TBL1XR1: variants seen among roughly 807,000 people sequenced by gnomAD.
TBL1XR1 encodes the protein F-box-like/WD repeat-containing protein TBL1XR1.
TBL1XR1 carries 5 observed loss-of-function variants against 66.9 expected under a neutral mutation model. That is an observed-to-expected ratio of 0.07 (90% CI 0.04 to 0.16). TBL1XR1 has a LOEUF of 0.16. TBL1XR1 is among the 10% of genes least tolerant of loss of function. The probability of loss-of-function intolerance (pLI) is 1.00; values close to 1 mark genes in which losing one functional copy is unlikely to be tolerated. For synonymous variants in TBL1XR1, 210 were observed against 206.0 expected, an observed-to-expected ratio of 1.02 and a Z score of -0.17; for missense variants, 238 against 623.2, an observed-to-expected ratio of 0.38 and a Z score of 6.58.
intron 1 of TBL1XR1, among the ~76,000 whole-genome samples, chr3:177,162,762 C>G (rs913731739): frequency 1.3e-5 from 2 of 151,978 alleles, no homozygotes; most frequent in African/African-American, 4.8e-5. Context: ...AATGGAAGTG[C>G]CCAAAATAAA....
At chr3:177,101,163 A>G (rs1007654055) in intron 1 of TBL1XR1, among the ~76,000 whole-genome samples, 5 of 103,154 alleles carry the variant, frequency 4.8e-5, no homozygotes, top group African/African-American at 1.8e-4. Flanking sequence ...AGCCATGACA[A>G]TCGCTATTTT....
chr3:177,090,517 TAAA>T (rs768136243), intron 2 of TBL1XR1, among the ~76,000 whole-genome samples: 3 of 102,458 alleles, frequency 2.9e-5, no homozygotes, highest in African/African-American at 7.6e-5. Flanking sequence ...CTGTCTCTAC[TAAA>T]AAAAAAAAAA....
chr3:177,091,594 C>CA (rs1216125141), intron 2 of TBL1XR1, among the ~76,000 whole-genome samples: 2 of 152,052 alleles, frequency 1.3e-5, no homozygotes, highest in African/African-American at 4.8e-5. Flanking sequence ...ACTCAGAAGT[C>CA]AACTTGAAAA....
At chr3:177,054,120 T>C (rs1034802665) in intron 3 of TBL1XR1, among the ~76,000 whole-genome samples, 1 of 152,114 alleles carries the variant, frequency 6.6e-6, no homozygotes, top group Non-Finnish European at 1.5e-5. Context: ...TTACATACTT[T>C]CTTTTTCTCT....
intron 2 of TBL1XR1, among the ~76,000 whole-genome samples, chr3:177,080,781 A>G (rs1262918868): frequency 6.6e-6 from 1 of 152,174 alleles, no homozygotes; most frequent in African/African-American, 2.4e-5. Flanking sequence ...CCTAAATACA[A>G]TTAACTGCCT....
At chr3:177,050,311 G>C (rs1384020562) in intron 6 of TBL1XR1, among the ~76,000 whole-genome samples, 167 bp downstream of exon 6, 1 of 152,098 alleles carries the variant, frequency 6.6e-6, no homozygotes, top group Non-Finnish European at 1.5e-5. Context: ...TCTCGAAATA[G>C]TAAGTTTAAT....
intron 1 of TBL1XR1, among the ~76,000 whole-genome samples, chr3:177,194,406 G>T (rs1266061513): frequency 6.6e-6 from 1 of 152,130 alleles, no homozygotes; most frequent in Non-Finnish European, 1.5e-5. Flanking sequence ...TTTCTGCCAT[G>T]CCTCTCCCCT....
intron 1 of TBL1XR1, among the ~76,000 whole-genome samples, chr3:177,152,233 A>C (rs1730977400): frequency 6.6e-6 from 1 of 152,114 alleles, no homozygotes; most frequent in African/African-American, 2.4e-5. Context: ...AAGTTGCTAC[A>C]TTCACTTTAG....
intron 1 of TBL1XR1, among the ~76,000 whole-genome samples, chr3:177,184,628 C>G (rs1735196618): frequency 6.6e-6 from 1 of 152,074 alleles, no homozygotes; most frequent in Non-Finnish European, 1.5e-5. Flanking sequence ...ATGGTGAAAT[C>G]CCGTCTCTAC....
At chr3:177,145,194 T>C (rs1361784580) in intron 1 of TBL1XR1, among the ~76,000 whole-genome samples, 3 of 85,258 alleles carry the variant, frequency 3.5e-5, no homozygotes, top group Non-Finnish European at 8.3e-5. Flanking sequence ...TAATCCTATG[T>C]GATCTACACC....
intron 1 of TBL1XR1, among the ~76,000 whole-genome samples, chr3:177,124,858 G>A (rs1043012315): frequency 1.8e-4 from 27 of 151,842 alleles, no homozygotes; most frequent in African/African-American, 6.0e-4. Context: ...ATGGTGTTAC[G>A]ACAACTGAAC....
chr3:177,087,764 G>A (rs1722332039), intron 2 of TBL1XR1, among the ~76,000 whole-genome samples: 1 of 151,996 alleles, frequency 6.6e-6, no homozygotes, highest in Admixed American at 6.5e-5. Context: ...AAGAATGGGG[G>A]GCGGGGAGTC....
chr3:177,131,941 C>G (rs568485000), intron 1 of TBL1XR1, among the ~76,000 whole-genome samples: 20 of 149,962 alleles, frequency 1.3e-4, no homozygotes, highest in African/African-American at 4.7e-4. Flanking sequence ...ACAAAGCACT[C>G]TGATTGTTAA....
At chr3:177,137,778 T>C (rs1254049429) in intron 1 of TBL1XR1, among the ~76,000 whole-genome samples, 3 of 152,166 alleles carry the variant, frequency 2.0e-5, no homozygotes, top group Admixed American at 6.5e-5. Flanking sequence ...GAGAACAGCC[T>C]GGGCAACATG....
intron 10 of TBL1XR1, among the ~76,000 whole-genome samples, chr3:177,042,504 T>C (rs1166608755): frequency 6.6e-6 from 1 of 152,166 alleles, no homozygotes; most frequent in African/African-American, 2.4e-5. Flanking sequence ...GCAACGTAGG[T>C]TGTGTGATTA....
intron 1 of TBL1XR1, among the ~76,000 whole-genome samples, chr3:177,165,170 A>C (rs1388861218): frequency 6.6e-6 from 1 of 152,214 alleles, no homozygotes; most frequent in Non-Finnish European, 1.5e-5. Flanking sequence ...CTGACAAAAA[A>C]AACTCCAGGA....
chr3:177,124,385 C>T (rs1727355531), intron 1 of TBL1XR1, among the ~76,000 whole-genome samples: 1 of 152,120 alleles, frequency 6.6e-6, no homozygotes, highest in African/African-American at 2.4e-5. Flanking sequence ...CTTTTAATGA[C>T]CCATCATTCA....
At chr3:177,054,075 C>T (rs867706440) in intron 3 of TBL1XR1, among the ~76,000 whole-genome samples, 157 bp from the exon 4 acceptor site, 15 of 140,656 alleles carry the variant, frequency 1.1e-4, no homozygotes, top group African/African-American at 3.0e-4. Flanking sequence ...TGTGTGTGTG[C>T]GCGCGCGTGT....
chr3:177,097,916 G>A (rs774160025), intron 2 of TBL1XR1, among the ~76,000 whole-genome samples: 1 of 152,092 alleles, frequency 6.6e-6, no homozygotes. Context: ...ACAGAACACA[G>A]AAATCCTCAG....
Sources: gnomAD v4.1 joint callset for allele counts (sites outside exome capture counted in the v4.1 genomes callset) on GRCh38, gnomAD v4.1.1 for gene constraint, MANE v1.5 for transcripts, NCBI Gene and HGNC (gene_info 2026-07-23, HGNC 2026-07-21) for gene names.